MMS22L: variants seen among roughly 807,000 people sequenced by gnomAD.
MMS22L encodes the protein protein MMS22-like.
A neutral mutation model predicts 159.1 loss-of-function variants in MMS22L; 74 were observed. The observed-to-expected ratio is 0.47, with a 90% CI of 0.39 to 0.56. The LOEUF is 0.56. Among genes scored for constraint, MMS22L ranks in the 20% least tolerant of loss-of-function variants. The pLI is 0.00. For missense variants in MMS22L, 1,351 were observed against 1,422.1 expected (o/e 0.95, Z 0.80); for synonymous variants, 517 against 506.9 (o/e 1.02, Z -0.27).
chr6:97,226,029 C>T (rs533873013), intron 14 of MMS22L, among the ~76,000 whole-genome samples: 2 of 152,256 alleles, frequency 1.3e-5, no homozygotes, highest in South Asian at 4.1e-4. Context: ...TTAAAATGCA[C>T]ATACACCAAT....
Position 97,229,347 on chromosome 6 carries a change from T to A in MMS22L, c.1586A>T (p.Gln529Leu). ...RMEELTEVGLQNFFSLFLLLA... is the reference protein window; with the variant it reads ...RMEELTEVGLLNFFSLFLLLA... ...CAGTAGAAAAAGGCTAAAAAAGTTC[T>A]GTAGACCAACTTCAGTTAGTTCTTC... The change falls in exon 14 of 25, where the codon CAG becomes CTG. Residue 529 changes from glutamine (Q) to leucine (L), a missense_variant. Transcript: ENST00000683635. 3 of 1,609,154 alleles carry A rather than the reference T, an allele frequency of 1.9e-6. No individual in the cohort carries two copies. The highest frequency in any genetic ancestry group is 2.5e-6 in the Non-Finnish European group (3 of 1,177,576).
intron 3 of MMS22L, among the ~76,000 whole-genome samples, chr6:97,279,259 G>T (rs377649711): frequency 1.3e-5 from 2 of 151,974 alleles, no homozygotes; most frequent in African/African-American, 4.8e-5. Flanking sequence ...CGAGGCGGGC[G>T]GATTACGAGG....
At chr6:97,215,294 G>A (rs1357654578) in intron 14 of MMS22L, among the ~76,000 whole-genome samples, 1 of 151,966 alleles carries the variant, frequency 6.6e-6, no homozygotes, top group African/African-American at 2.4e-5. Flanking sequence ...ACAGTAGTTA[G>A]CTGCTGACTT....
intron 14 of MMS22L, among the ~76,000 whole-genome samples, chr6:97,214,853 G>A (rs1808813064): frequency 6.7e-6 from 1 of 150,078 alleles, no homozygotes; most frequent in Non-Finnish European, 1.5e-5. Context: ...TGTGGTTTCT[G>A]GATTTTAAAG....
intron 24 of MMS22L, among the ~76,000 whole-genome samples, chr6:97,147,629 C>A (rs1401098678): frequency 6.6e-6 from 1 of 152,164 alleles, no homozygotes; most frequent in Non-Finnish European, 1.5e-5. Context: ...AGATGTGAGA[C>A]ATGTCTGTGC....
intron 22 of MMS22L, 56 bp from the exon 23 acceptor site, chr6:97,151,923 TC>T: frequency 1.5e-6 from 2 of 1,307,368 alleles, no homozygotes; most frequent in Non-Finnish European, 2.2e-6. Flanking sequence ...ATCTGGATCC[TC>T]ATTTTTATGA....
chr6:97,239,792 A>C (rs887447937), intron 11 of MMS22L, among the ~76,000 whole-genome samples: 2 of 152,174 alleles, frequency 1.3e-5, no homozygotes, highest in African/African-American at 4.8e-5. Flanking sequence ...ACCTGTCCTA[A>C]TGACTCGGGA....
intron 15 of MMS22L, among the ~76,000 whole-genome samples, chr6:97,182,739 C>T (rs717019): frequency 0.45 from 67,763 of 151,674 alleles, 15,255 homozygotes; most frequent in South Asian, 0.53. Flanking sequence ...ACTTGATCTA[C>T]CAACAGGGTG....
intron 21 of MMS22L, among the ~76,000 whole-genome samples, chr6:97,162,903 G>C (rs943375567): frequency 6.6e-6 from 1 of 151,854 alleles, no homozygotes; most frequent in African/African-American, 2.4e-5. Context: ...CAAATGTCTA[G>C]ACAATGTGAA....
At chr6:97,187,098 G>A (rs986546560) in intron 14 of MMS22L, among the ~76,000 whole-genome samples, 1 of 152,084 alleles carries the variant, frequency 6.6e-6, no homozygotes, top group African/African-American at 2.4e-5. Flanking sequence ...AGTACAACTG[G>A]CTTATGCGTG....
chr6:97,203,269 T>G (rs1807377213), intron 14 of MMS22L, among the ~76,000 whole-genome samples: 1 of 152,182 alleles, frequency 6.6e-6, no homozygotes, highest in Non-Finnish European at 1.5e-5. Flanking sequence ...TAGGTAAGAT[T>G]AACCTTTTGC....
At chr6:97,206,582 A>G (rs1035747658) in intron 14 of MMS22L, among the ~76,000 whole-genome samples, 11 of 152,182 alleles carry the variant, frequency 7.2e-5, no homozygotes, top group Admixed American at 2.0e-4. Flanking sequence ...TGGTGTTTGT[A>G]TCTATCATAA....
chr6:97,163,296 A>T (rs1235986126), intron 21 of MMS22L, among the ~76,000 whole-genome samples: 1 of 152,056 alleles, frequency 6.6e-6, no homozygotes, highest in African/African-American at 2.4e-5. Context: ...ATTATAATAT[A>T]GCATAATGGT....
chr6:97,207,095 G>A (rs965294691), intron 14 of MMS22L, among the ~76,000 whole-genome samples: 10 of 152,168 alleles, frequency 6.6e-5, no homozygotes, highest in African/African-American at 2.2e-4. Context: ...TAAAATGTTC[G>A]TGAGAATTCT....
chr6:97,280,552 C>T (rs896134118), intron 3 of MMS22L, among the ~76,000 whole-genome samples: 2 of 151,982 alleles, frequency 1.3e-5, no homozygotes, highest in Admixed American at 6.6e-5. Flanking sequence ...AGGCTGGTCT[C>T]GAACTCCCGC....
intron 2 of MMS22L, 86 bp downstream of exon 2, chr6:97,282,228 C>A: frequency 7.1e-7 from 1 of 1,409,364 alleles, no homozygotes; most frequent in Non-Finnish European, 9.7e-7. Flanking sequence ...TGGTGAACAC[C>A]AAAGTTTAAT....
At chr6:97,208,531 T>C (rs564317320) in intron 14 of MMS22L, among the ~76,000 whole-genome samples, 3 of 152,042 alleles carry the variant, frequency 2.0e-5, no homozygotes, top group Non-Finnish European at 4.4e-5. Context: ...GGACAACACT[T>C]GCCTCTTGGG....
At chr6:97,282,878 C>A (rs988622866) in intron 1 of MMS22L, 11 of 157,370 alleles carry the variant, frequency 7.0e-5, no homozygotes, top group Non-Finnish European at 1.3e-4. Flanking sequence ...ACTCTCCGCC[C>A]GTTTCCCAGC....
chr6:97,278,772 A>C, intron 4 of MMS22L, 77 bp downstream of exon 4: 1 of 1,156,022 alleles, frequency 8.7e-7, no homozygotes, highest in Admixed American at 2.1e-5. Context: ...TATGCCAATT[A>C]TACCATCATG....
Sources: allele counts gnomAD v4.1 joint callset (sites outside exome capture counted in the v4.1 genomes callset), GRCh38; gene constraint gnomAD v4.1.1; transcripts MANE v1.5; gene names NCBI Gene and HGNC (gene_info 2026-07-23, HGNC 2026-07-21).